The following RARRES1 variants were observed in gnomAD, a reference collection of about 807,000 sequenced individuals.
RARRES1 encodes retinoic acid receptor responder protein 1.
In RARRES1, 34 loss-of-function variants were observed where a neutral mutation model predicts 30.6. That is an observed-to-expected ratio of 1.11 (90% CI 0.84 to 1.48). The LOEUF (loss-of-function observed/expected upper bound fraction) is 1.48, where lower values mean the gene tolerates loss of function less well. RARRES1 is among the 40% of genes most tolerant of loss of function. The pLI is 0.00. For missense variants in RARRES1, 373 were observed against 386.5 expected, an observed-to-expected ratio of 0.97 and a Z score of 0.29; for synonymous variants, 153 against 155.5, an observed-to-expected ratio of 0.98 and a Z score of 0.12.
intron 1 of RARRES1, among the ~76,000 whole-genome samples, chr3:158,722,746 G>A (rs1426947697): frequency 6.6e-6 from 1 of 152,040 alleles, no homozygotes; most frequent in Non-Finnish European, 1.5e-5. Flanking sequence ...GCTGGGCGTG[G>A]TGGCGGGCGC....
At position 158,732,126 on chromosome 3, in the gene RARRES1, C is replaced by T; in HGVS notation, c.276+14G>A. On this transcript the variant is annotated intron_variant, in intron 1 of 5. Coordinates refer to ENST00000237696, the MANE Select transcript of RARRES1 (RefSeq NM_206963.2). The stretch of plus-strand genomic sequence containing the variant: ...CAGGCAGGCGCGTGCCCCGGCGCGT[C>T]GCTCCGCACTCACCCACGCGCGGCC... The T allele has an allele frequency of 7.6e-7, 1 of 1,324,008 alleles. No homozygotes were observed. Among genetic ancestry groups the T allele is most frequent in the Non-Finnish European group, 9.6e-7 (1 of 1,042,332 alleles). The allele number at this position is 1,324,008 out of a possible 1,614,324, so 82.0% of individuals were successfully genotyped here. A position where few individuals can be genotyped will look rare whatever the true frequency, so the allele number is the denominator to read the frequency against.
intron 1 of RARRES1, among the ~76,000 whole-genome samples, chr3:158,721,123 G>C (rs562832953): frequency 6.6e-6 from 1 of 152,154 alleles, no homozygotes; most frequent in African/African-American, 2.4e-5. Context: ...TAGACAAGCC[G>C]AGAGAGGGAG....
chr3:158,722,324 T>C (rs1295746190), intron 1 of RARRES1, among the ~76,000 whole-genome samples: 1 of 152,234 alleles, frequency 6.6e-6, no homozygotes, highest in Non-Finnish European at 1.5e-5. Context: ...AGCTTTGTTT[T>C]CATGTTAATG....
chr3:158,698,120 G>A, intron 4 of RARRES1, 150 bp from the exon 5 acceptor site: 1 of 596,718 alleles, frequency 1.7e-6, no homozygotes, highest in Non-Finnish European at 3.0e-6. Flanking sequence ...TTTGCTTCAA[G>A]ATATGGAAGT....
chr3:158,713,857 A>C lies in RARRES1; in HGVS notation c.279T>G (p.Ile93Met), dbSNP rs2108141786. 6.2e-7 allele frequency: 1 copy of C among 1,613,314 alleles called. No homozygotes were observed. Among genetic ancestry groups the C allele is most frequent in the Non-Finnish European group, 8.5e-7 (1 of 1,179,244 alleles). ...GAACTTTACATCCCTCTTTTGGATT[A>C]ATCTGGAACACAGAAACTGAATCTT... ...LAEVQEGRAW[I>M]NPKEGCKVHV... The change falls in exon 2 of 6, where the codon ATT becomes ATG. Residue 93 changes from isoleucine to methionine, a missense_variant and splice_region_variant. Ile to Met is a conservative substitution (Grantham distance 10). Transcript: ENST00000237696.
Position 158,704,625 on chromosome 3 carries a change from C to T in RARRES1, c.672+166G>A. The T allele has an allele frequency of 1.8e-6, 2 of 1,122,656 alleles. 1 individual carries two copies. Among genetic ancestry groups the T allele is most frequent in the Admixed American group, 6.4e-5 (2 of 31,186 alleles). 69.5% of individuals were successfully genotyped at this position (1,122,656 alleles called of 1,614,324 possible). A position where few individuals can be genotyped will look rare whatever the true frequency, so the allele number is the denominator to read the frequency against. ...GTGTCTTTGTTCACGACTGTATCCC[C>T]AGCCCCTGAAACAATACTTGGCCCA... On this transcript the variant is annotated intron_variant, in intron 4 of 5. Transcript: ENST00000237696.
chr3:158,715,450 G>T (rs1727293182), intron 1 of RARRES1, among the ~76,000 whole-genome samples: 1 of 152,156 alleles, frequency 6.6e-6, no homozygotes, highest in Admixed American at 6.5e-5. Flanking sequence ...GGTGTCTGGG[G>T]AGGTGGGTGC....
intron 4 of RARRES1, among the ~76,000 whole-genome samples, chr3:158,699,381 T>G (rs1397938495): frequency 6.6e-6 from 1 of 152,068 alleles, no homozygotes; most frequent in South Asian, 2.1e-4. Flanking sequence ...AAACTTGTAT[T>G]TTCGTTACAT....
intron 3 of RARRES1, among the ~76,000 whole-genome samples, chr3:158,710,356 C>T (rs763061766): frequency 6.6e-6 from 1 of 152,064 alleles, no homozygotes; most frequent in Non-Finnish European, 1.5e-5. Flanking sequence ...TACAGGCGCC[C>T]ACCACCACGC....
chr3:158,718,071 T>G (rs952465883), intron 1 of RARRES1, among the ~76,000 whole-genome samples: 1 of 151,622 alleles, frequency 6.6e-6, no homozygotes, highest in Non-Finnish European at 1.5e-5. Context: ...CTCCGCCTCC[T>G]GGGTTCAAGA....
chr3:158,707,624 G>A (rs972726270), intron 3 of RARRES1, among the ~76,000 whole-genome samples: 44 of 152,188 alleles, frequency 2.9e-4, no homozygotes, highest in Non-Finnish European at 1.0e-4. Context: ...AGGCAAGACC[G>A]TCTCCTGAAA....
intron 3 of RARRES1, among the ~76,000 whole-genome samples, chr3:158,706,836 A>G (rs1465597944): frequency 6.6e-6 from 1 of 152,190 alleles, no homozygotes; most frequent in African/African-American, 2.4e-5. Context: ...GGTGTATTAA[A>G]TACAGTGTCA....
At chr3:158,712,674 A>G (rs1430961742) in intron 2 of RARRES1, among the ~76,000 whole-genome samples, 1 of 152,164 alleles carries the variant, frequency 6.6e-6, no homozygotes, top group Non-Finnish European at 1.5e-5. Context: ...GAGAAGAGAA[A>G]AAGAACCAGG....
intron 1 of RARRES1, among the ~76,000 whole-genome samples, chr3:158,724,724 G>T (rs1467963083): frequency 6.6e-6 from 1 of 152,190 alleles, no homozygotes; most frequent in Non-Finnish European, 1.5e-5. Context: ...TACCAATACA[G>T]AATTACTGTG....
At chr3:158,722,911 C>G (rs1727564126) in intron 1 of RARRES1, among the ~76,000 whole-genome samples, 1 of 151,940 alleles carries the variant, frequency 6.6e-6, no homozygotes, top group South Asian at 2.1e-4. Context: ...CTAACATCCC[C>G]TTTAAACTCT....
At chr3:158,713,410 C>G (rs1316493159) in intron 2 of RARRES1, among the ~76,000 whole-genome samples, 1 of 152,084 alleles carries the variant, frequency 6.6e-6, no homozygotes, top group Non-Finnish European at 1.5e-5. Context: ...TCACGCTGTG[C>G]TGGCCTGCTA....
intron 1 of RARRES1, among the ~76,000 whole-genome samples, chr3:158,727,702 C>T (rs995499877): frequency 1.1e-4 from 16 of 152,162 alleles, no homozygotes; most frequent in Admixed American, 1.0e-3. Context: ...AACTGTGGGT[C>T]CTGAGCCTAT....
At chr3:158,728,169 C>T (rs992057414) in intron 1 of RARRES1, among the ~76,000 whole-genome samples, 11 of 151,740 alleles carry the variant, frequency 7.2e-5, no homozygotes, top group South Asian at 2.1e-4. Flanking sequence ...CCCTTGCTTT[C>T]GCAATACACT....
intron 3 of RARRES1, among the ~76,000 whole-genome samples, chr3:158,705,999 T>G (rs1398942749): frequency 1.3e-5 from 2 of 152,190 alleles, no homozygotes; most frequent in African/African-American, 2.4e-5. Context: ...TTTTATGCAG[T>G]TTTGTAGGGA....
Sources: allele counts gnomAD v4.1 joint callset (sites outside exome capture counted in the v4.1 genomes callset), GRCh38; gene constraint gnomAD v4.1.1; transcripts MANE v1.5; gene names NCBI Gene and HGNC (gene_info 2026-07-23, HGNC 2026-07-21).